Variants in OR5AN1 observed in about 807,000 individuals in gnomAD.
The protein encoded by OR5AN1 is olfactory receptor family 5 subfamily AN member 1, also known as olfactory receptor 5AN1.
For missense variants in OR5AN1, 476 were observed against 368.9 expected, an observed-to-expected ratio of 1.29 and a Z score of -2.38; for synonymous variants, 167 against 131.8, an observed-to-expected ratio of 1.27 and a Z score of -1.83.
intron 1 of OR5AN1, among the ~76,000 whole-genome samples, chr11:59,360,370 C>T (rs1235942014): frequency 6.6e-6 from 1 of 152,114 alleles, no homozygotes; most frequent in Non-Finnish European, 1.5e-5. Flanking sequence ...CCTTGGATAA[C>T]ATATCTGAGA....
chr11:59,369,034 G>A lies in OR5AN1; in HGVS notation c.*3640G>A, dbSNP rs939628564. 6 of 152,048 alleles carry A rather than the reference G, an allele frequency of 3.9e-5. No homozygotes were observed. Among genetic ancestry groups the A allele is most frequent in the Non-Finnish European group, 5.9e-5 (4 of 68,026 alleles). The allele number at this position is 152,048 out of a possible 1,614,324, so 9.4% of individuals were successfully genotyped here. A position where few individuals can be genotyped will look rare whatever the true frequency, so the allele number is the denominator to read the frequency against. ...ACTAATATATCCCCCTCTGAAACAA[G>A]AGATAAGAAGTGAGCATCAAACACA... On this transcript the variant is annotated 3_prime_UTR_variant, in exon 2 of 2. Transcript: ENST00000641998.
Position 59,364,538 on chromosome 11 carries a change from T to G in OR5AN1, c.80T>G (p.Val27Gly), listed in dbSNP as rs764426948. The change falls in exon 2 of 2, where the codon GTG (valine) becomes GGG (glycine). Residue 27 changes from valine to glycine, a missense_variant. Coordinates refer to ENST00000641998, the MANE Select transcript of OR5AN1 (RefSeq NM_001004729.2). ...GFSDFPRIIK[V>G]LFTIFLVIYI... is the part of the protein sequence containing the mutation. Reference sequence around the variant, plus strand: ...TCAGATTTTCCCAGGATCATAAAAGTGCTCTTCACTATATTCCTGGTGATC... The same window carrying G: ...TCAGATTTTCCCAGGATCATAAAAGGGCTCTTCACTATATTCCTGGTGATC... The G allele has an allele frequency of 1.2e-6, 2 of 1,613,780 alleles. No homozygotes were observed. The highest frequency in any genetic ancestry group is 1.7e-6 in the Non-Finnish European group (2 of 1,179,718).
rs1411627804 is a variant in OR5AN1 at position 59,370,495 on chromosome 11, C to CA, written c.*5103dup. 6.6e-6 allele frequency: 1 copy of CA among 152,140 alleles called. No individual in the cohort carries two copies. The highest frequency in any genetic ancestry group is 1.5e-5 in the Non-Finnish European group (1 of 68,040). 9.4% of individuals were successfully genotyped at this position (152,140 alleles called of 1,614,324 possible). On this transcript the variant is annotated 3_prime_UTR_variant, in exon 2 of 2. Transcript: ENST00000641998. Reference sequence around the variant, plus strand: ...AAATTGTAAAAATTTCTATTCTAACCAATTAATGTATGAATTATGTGAAAT... The same window carrying CA: ...AAATTGTAAAAATTTCTATTCTAACCAAATTAATGTATGAATTATGTGAAAT...
chr11:59,364,449 C>G lies in OR5AN1; in HGVS notation c.-10C>G, dbSNP rs570691418. The G allele has an allele frequency of 6.3e-7, 1 of 1,581,004 alleles. No homozygotes were observed. The highest frequency in any genetic ancestry group is 1.7e-5 in the Admixed American group (1 of 58,754). On this transcript the variant is annotated 5_prime_UTR_variant, in exon 2 of 2. Coordinates refer to ENST00000641998, the MANE Select transcript of OR5AN1 (RefSeq NM_001004729.2). ...CTTGTCTCCTTTCTGATATTAGGAG[C>G]ACTGAGCCAATGACTGGGGGAGGAA...
rs375798469 is a variant in OR5AN1 at position 59,364,554 on chromosome 11, C to A, written c.96C>A (p.Phe32Leu). The A allele has an allele frequency of 1.9e-6, 3 of 1,613,796 alleles. No homozygotes were observed. In the South Asian group the frequency reaches 3.3e-5, roughly 18 times the overall value. Residue 32 changes from phenylalanine to leucine, a missense_variant, in exon 2 of 2, where the codon TTC becomes TTA. Physicochemically the swap from Phe to Leu is conservative, Grantham distance 22 (BLOSUM62 0). Coordinates refer to ENST00000641998, the MANE Select transcript of OR5AN1 (RefSeq NM_001004729.2). The stretch of plus-strand genomic sequence containing the variant: ...TCATAAAAGTGCTCTTCACTATATT[C>A]CTGGTGATCTACATTACATCTCTGG... ...PRIIKVLFTIFLVIYITSLAW... is the reference protein window; with the variant it reads ...PRIIKVLFTILLVIYITSLAW...
At chr11:59,361,455 A>G (rs764119666) in intron 1 of OR5AN1, among the ~76,000 whole-genome samples, 2 of 151,914 alleles carry the variant, frequency 1.3e-5, no homozygotes, top group Non-Finnish European at 2.9e-5. Flanking sequence ...TAATTTTTGT[A>G]TTTTTCAAAG....
intron 1 of OR5AN1, among the ~76,000 whole-genome samples, chr11:59,364,003 T>G (rs1590581474): frequency 6.6e-6 from 1 of 152,264 alleles, no homozygotes; most frequent in East Asian, 1.9e-4. Context: ...TCTCAGGTGA[T>G]CCACCCACCT....
At position 59,358,952 on chromosome 11, in the gene OR5AN1, T is replaced by C. The variant is rs1258599104; in HGVS notation, c.-334T>C. 1.3e-5 allele frequency: 2 copies of C among 152,136 alleles called. No homozygotes were observed. Among genetic ancestry groups the C allele is most frequent in the Non-Finnish European group, 2.9e-5 (2 of 68,032 alleles). 9.4% of individuals were successfully genotyped at this position (152,136 alleles called of 1,614,324 possible). ...GTGGTCAAACATGCCCATCTTGGAG[T>C]GTGATACGCCCACCTGAAAAATTCC... On this transcript the variant is annotated 5_prime_UTR_variant, in exon 1 of 2. Coordinates refer to ENST00000641998, the MANE Select transcript of OR5AN1 (RefSeq NM_001004729.2).
intron 1 of OR5AN1, among the ~76,000 whole-genome samples, chr11:59,363,549 T>C (rs2134483250): frequency 6.6e-6 from 1 of 152,334 alleles, no homozygotes; most frequent in African/African-American, 2.4e-5. Flanking sequence ...TGCCTCAAAA[T>C]ATTATCAGAA....
At position 59,365,058 on chromosome 11, in the gene OR5AN1, T is replaced by G; in HGVS notation, c.600T>G (p.Thr200=). 6.2e-7 allele frequency: 1 copy of G among 1,614,150 alleles called. No individual in the cohort carries two copies. The highest frequency in any genetic ancestry group is 1.3e-5 in the African/African-American group (1 of 75,068). ...ACACTTTCTTTGTACAGGTCATGAC[T>G]GCTATATTAACCATGTTCTTTGGGA... The part of the protein sequence containing the change: ...CTDTFFVQVM[T]AILTMFFGIA... Residue 200 remains threonine (T), a synonymous_variant, in exon 2 of 2, where the codon ACT becomes ACG. Transcript: ENST00000641998.
intron 1 of OR5AN1, among the ~76,000 whole-genome samples, chr11:59,361,430 G>A (rs142717501): frequency 3.8e-4 from 58 of 152,196 alleles, no homozygotes; most frequent in Admixed American, 2.0e-3. Context: ...ACAGGCGTGC[G>A]CCACAAAGCC....
intron 1 of OR5AN1, among the ~76,000 whole-genome samples, chr11:59,361,747 CT>C (rs1368435282): frequency 2.0e-5 from 3 of 152,198 alleles, no homozygotes; most frequent in Non-Finnish European, 4.4e-5. Context: ...AAAGTCTACT[CT>C]CTCACATTCT....
intron 1 of OR5AN1, among the ~76,000 whole-genome samples, chr11:59,360,252 A>G (rs1857449325): frequency 6.6e-6 from 1 of 152,168 alleles, no homozygotes; most frequent in African/African-American, 2.4e-5. Flanking sequence ...CAACCAATTG[A>G]TCAACAATTT....
At chr11:59,363,954 G>A (rs1487087112) in intron 1 of OR5AN1, among the ~76,000 whole-genome samples, 7 of 152,044 alleles carry the variant, frequency 4.6e-5, no homozygotes, top group Non-Finnish European at 7.4e-5. Context: ...GTAGAGATGG[G>A]GTTTTGCCAT....
Position 59,365,327 on chromosome 11 carries a change from T to A in OR5AN1, c.869T>A (p.Ile290Asn). ...TVVIPMLNPL[I>N]YSLRNKEIKD... ...GTCATTCCCATGTTAAATCCCTTGATTTACAGTTTGAGGAACAAAGAAATT... is the reference window on the plus strand; with the variant it reads ...GTCATTCCCATGTTAAATCCCTTGAATTACAGTTTGAGGAACAAAGAAATT... Residue 290 changes from isoleucine (I) to asparagine (N), a missense_variant, in exon 2 of 2, where the codon ATT becomes AAT. By Grantham distance (149) the Ile-to-Asn change is moderately radical (BLOSUM62 -3). Transcript: ENST00000641998. 1 of 1,611,780 alleles carries A rather than the reference T, an allele frequency of 6.2e-7. No individual in the cohort carries two copies. The highest frequency in any genetic ancestry group is 1.3e-5 in the African/African-American group (1 of 74,918).
intron 1 of OR5AN1, among the ~76,000 whole-genome samples, chr11:59,364,108 G>A (rs932630702): frequency 8.5e-5 from 13 of 152,262 alleles, no homozygotes; most frequent in African/African-American, 3.1e-4. Context: ...TGAATCACCA[G>A]AGGTCTTTTT....
At chr11:59,361,430 G>T (rs142717501) in intron 1 of OR5AN1, among the ~76,000 whole-genome samples, 23 of 152,198 alleles carry the variant, frequency 1.5e-4, no homozygotes, top group African/African-American at 5.5e-4. Flanking sequence ...ACAGGCGTGC[G>T]CCACAAAGCC....
rs769444536 is a variant in OR5AN1 at position 59,365,083 on chromosome 11, A to T, written c.625A>T (p.Ile209Leu). Residue 209 changes from isoleucine (I) to leucine (L), a missense_variant, in exon 2 of 2, where the codon ATA (isoleucine) becomes TTA (leucine). Ile to Leu is a conservative substitution (Grantham distance 5, BLOSUM62 2). Transcript: ENST00000641998. ...TGCTATATTAACCATGTTCTTTGGG[A>T]TAGCAAGTGCCCTAGTTATCATGAT... is the stretch of plus-strand genomic sequence containing the variant. ...MTAILTMFFG[I>L]ASALVIMISY... 1.2e-6 allele frequency: 2 copies of T among 1,614,106 alleles called. No homozygotes were observed. Among genetic ancestry groups the T allele is most frequent in the Non-Finnish European group, 1.7e-6 (2 of 1,179,998 alleles).
In OR5AN1 at chr11:59,364,820, A is replaced by G. The variant is rs1440164720; in HGVS notation, c.362A>G (p.Tyr121Cys). 1.9e-6 allele frequency: 3 copies of G among 1,613,850 alleles called. No individual in the cohort carries two copies. The highest frequency in any genetic ancestry group is 2.2e-5 in the South Asian group (2 of 91,072). Residue 121 changes from tyrosine (Y) to cysteine (C), a missense_variant, in exon 2 of 2, where the codon TAT becomes TGT. Transcript: ENST00000641998. Reference protein sequence around the residue: ...SESCLMTAMAYDRYAAICNPL... With the variant: ...SESCLMTAMACDRYAAICNPL... ...TCTTGTCTCATGACAGCCATGGCTTATGATCGTTATGCTGCCATTTGTAAC... is the reference window on the plus strand; with the variant it reads ...TCTTGTCTCATGACAGCCATGGCTTGTGATCGTTATGCTGCCATTTGTAAC...
Sources: allele counts gnomAD v4.1 joint callset (sites outside exome capture counted in the v4.1 genomes callset), GRCh38; gene constraint gnomAD v4.1.1; transcripts MANE v1.5; gene names NCBI Gene and HGNC (gene_info 2026-07-23, HGNC 2026-07-21).